DLG1: variants seen among roughly 807,000 people sequenced by gnomAD.
DLG1 encodes the protein discs large MAGUK scaffold protein 1.
A neutral mutation model predicts 123.4 loss-of-function variants in DLG1; 42 were observed. That is an observed-to-expected ratio of 0.34 (90% CI 0.27 to 0.44). The LOEUF (loss-of-function observed/expected upper bound fraction) is 0.44, where lower values mean the gene tolerates loss of function less well. DLG1 is among the 20% of genes least tolerant of loss of function. The probability of loss-of-function intolerance (pLI) is 1.00; values close to 1 mark genes in which losing one functional copy is unlikely to be tolerated. For missense variants in DLG1, 942 were observed against 1,082.6 expected (o/e 0.87, Z 1.82); for synonymous variants, 317 against 356.2 (o/e 0.89, Z 1.24).
At chr3:197,154,677 GA>G (rs142521068) in intron 5 of DLG1, among the ~76,000 whole-genome samples, 4 of 144,334 alleles carry the variant, frequency 2.8e-5, no homozygotes, top group East Asian at 2.0e-4. Flanking sequence ...TCTGTCTCAA[GA>G]AAAAAAAAAG....
intron 5 of DLG1, among the ~76,000 whole-genome samples, chr3:197,171,679 G>C (rs1804274268): frequency 2.6e-5 from 4 of 152,108 alleles, no homozygotes; most frequent in Non-Finnish European, 5.9e-5. Context: ...ATTATGAAAA[G>C]ACAGTATTCT....
intron 4 of DLG1, among the ~76,000 whole-genome samples, chr3:197,223,636 G>A (rs181382931): frequency 6.6e-6 from 1 of 152,170 alleles, no homozygotes; most frequent in Non-Finnish European, 1.5e-5. Flanking sequence ...ATTGACATTA[G>A]AAGTACTGTT....
intron 17 of DLG1, chr3:197,080,435 C>T (rs1428831090): frequency 1.6e-4 from 23 of 146,964 alleles, no homozygotes; most frequent in Non-Finnish European, 3.1e-4. Context: ...CAAGCCATCA[C>T]GCCTGGCTAA....
intron 5 of DLG1, among the ~76,000 whole-genome samples, chr3:197,191,233 C>CG (rs1561361404): frequency 1.3e-5 from 2 of 151,990 alleles, no homozygotes; most frequent in Admixed American, 6.6e-5. Flanking sequence ...ATAAGGGAAA[C>CG]GGAAGACTCT....
intron 3 of DLG1, among the ~76,000 whole-genome samples, chr3:197,290,900 A>G (rs761450182): frequency 1.6e-5 from 1 of 64,162 alleles, no homozygotes; most frequent in African/African-American, 5.6e-5. Context: ...CAAATAGTAA[A>G]AAAAAAAAAA....
At chr3:197,046,223 T>C (rs1228464980) in intron 24 of DLG1, among the ~76,000 whole-genome samples, 1 of 152,126 alleles carries the variant, frequency 6.6e-6, no homozygotes. Context: ...ACGCAAGGAT[T>C]TATTTTAGAG....
At position 197,142,742 on chromosome 3, in the gene DLG1, T is replaced by C; in HGVS notation, c.564A>G (p.Glu188=). ...CCCTTTCAAGTGTGATTTCTTCATA[T>C]TCATAATCTGCATCTGTGCCATTAA... The part of the protein sequence containing the change: ...TYVNGTDADY[E]YEEITLERGN... The change falls in exon 7 of 25, where the codon GAA becomes GAG. Residue 188 remains glutamate (E), a synonymous_variant. Coordinates refer to ENST00000667157, the MANE Select transcript of DLG1 (RefSeq NM_001366207.1). 6.2e-7 allele frequency: 1 copy of C among 1,609,420 alleles called. No individual in the cohort carries two copies.
chr3:197,055,415 G>C (rs891480827), intron 23 of DLG1, among the ~76,000 whole-genome samples: 2 of 152,122 alleles, frequency 1.3e-5, no homozygotes, highest in Non-Finnish European at 2.9e-5. Flanking sequence ...TATGTCTTGT[G>C]ATTTTTTTGT....
Position 197,085,633 on chromosome 3 carries a change from C to G in DLG1, c.1785G>C (p.Gln595His), listed in dbSNP as rs1753906800. The change falls in exon 16 of 25, where the codon CAG becomes CAC. Residue 595 changes from glutamine to histidine, a missense_variant. Transcript: ENST00000667157. ...CATCGCTCTCACCATCTGGTGTAAC[C>G]TGCCTGGCTTGCCACCATTCATCAT... ...ASDDEWWQAR[Q>H]VTPDGESDEV... is the part of the protein sequence containing the mutation. 1 of 1,613,914 alleles carries G rather than the reference C, an allele frequency of 6.2e-7. No homozygotes were observed. The highest frequency in any genetic ancestry group is 1.7e-5 in the Admixed American group (1 of 59,982).
chr3:197,142,739 A>G lies in DLG1; in HGVS notation c.567T>C (p.Tyr189=). 6.2e-7 allele frequency: 1 copy of G among 1,608,944 alleles called. No individual in the cohort carries two copies. The highest frequency in any genetic ancestry group is 8.5e-7 in the Non-Finnish European group (1 of 1,178,062). The change falls in exon 7 of 25, where the codon TAT becomes TAC. Residue 189 remains tyrosine (Y), a synonymous_variant. Transcript: ENST00000667157. ...TTACCCTTTCAAGTGTGATTTCTTC[A>G]TATTCATAATCTGCATCTGTGCCAT... The part of the protein sequence containing the change: ...YVNGTDADYE[Y]EEITLERGNS...
intron 18 of DLG1, among the ~76,000 whole-genome samples, chr3:197,074,658 A>T (rs900371362): frequency 6.6e-6 from 1 of 152,092 alleles, no homozygotes; most frequent in African/African-American, 2.4e-5. Context: ...TAAGGGTGTC[A>T]CTAGTGATAG....
chr3:197,077,750 G>A (rs1414876536), intron 17 of DLG1, among the ~76,000 whole-genome samples: 1 of 152,124 alleles, frequency 6.6e-6, no homozygotes, highest in African/African-American at 2.4e-5. Context: ...CAAGAACGAT[G>A]AGGCTATTAA....
At chr3:197,088,496 C>T (rs866098498) in intron 15 of DLG1, among the ~76,000 whole-genome samples, 4 of 152,090 alleles carry the variant, frequency 2.6e-5, no homozygotes, top group Non-Finnish European at 2.9e-5. Flanking sequence ...CACACCTTTT[C>T]GCAGGAATTT....
intron 16 of DLG1, 149 bp downstream of exon 16, chr3:197,085,431 T>C (rs1291840357): frequency 4.1e-6 from 3 of 736,560 alleles, no homozygotes; most frequent in Non-Finnish European, 6.8e-6. Flanking sequence ...AAAAATGTGA[T>C]CATACGATTT....
chr3:197,082,567 A>G (rs2149077752), intron 16 of DLG1, among the ~76,000 whole-genome samples: 2 of 152,254 alleles, frequency 1.3e-5, no homozygotes, highest in East Asian at 3.9e-4. Flanking sequence ...TAATTCAGCA[A>G]CTTAAATTGT....
chr3:197,258,425 TG>T (rs796501381), intron 4 of DLG1, among the ~76,000 whole-genome samples: 3 of 4,266 alleles, frequency 7.0e-4, no homozygotes, highest in Admixed American at 5.4e-3. Flanking sequence ...CATATAGTTA[TG>T]GGGGGGCGGG....
At position 197,065,276 on chromosome 3, in the gene DLG1, C is replaced by A; in HGVS notation, c.2373G>T (p.Lys791Asn). 1 of 1,598,210 alleles carries A rather than the reference C, an allele frequency of 6.3e-7. No individual in the cohort carries two copies. The highest frequency in any genetic ancestry group is 1.8e-5 in the Admixed American group (1 of 56,746). The change falls in exon 22 of 25, where the codon AAG becomes AAT. Residue 791 changes from lysine (K) to asparagine (N), a missense_variant and splice_region_variant. Physicochemically the swap from Lys to Asn is moderately conservative, Grantham distance 94. Transcript: ENST00000667157. Reference sequence around the variant, plus strand: ...ATTCTGGGATTAGTCTGATGCTTACCTTTTCTGCTACTTCTCGTACAGACT... The same window carrying A: ...ATTCTGGGATTAGTCTGATGCTTACATTTTCTGCTACTTCTCGTACAGACT... Reference protein sequence around the residue: ...SVQSVREVAEKGKHCILDVSG... With the variant: ...SVQSVREVAENGKHCILDVSG...
chr3:197,056,102 G>A (rs1024280131), intron 23 of DLG1, among the ~76,000 whole-genome samples: 1 of 152,166 alleles, frequency 6.6e-6, no homozygotes, highest in African/African-American at 2.4e-5. Flanking sequence ...TCCCCTGGAA[G>A]TCATAAGCCT....
chr3:197,096,893 C>T (rs1760929642), intron 14 of DLG1, among the ~76,000 whole-genome samples: 1 of 152,170 alleles, frequency 6.6e-6, no homozygotes, highest in Non-Finnish European at 1.5e-5. Context: ...TGACTGTGAT[C>T]TTTTCCTACT....
Sources: gnomAD v4.1 joint callset for allele counts (sites outside exome capture counted in the v4.1 genomes callset) on GRCh38, gnomAD v4.1.1 for gene constraint, MANE v1.5 for transcripts, NCBI Gene and HGNC (gene_info 2026-07-23, HGNC 2026-07-21) for gene names.